The following EXOC2 variants were observed in gnomAD, a reference collection of about 807,000 sequenced individuals.
EXOC2 encodes SEC5-like 1.
A neutral mutation model predicts 131.8 loss-of-function variants in EXOC2; 70 were observed. That is an observed-to-expected ratio of 0.53 (90% CI 0.44 to 0.65). EXOC2 has a LOEUF of 0.65. EXOC2 is among the 30% of genes least tolerant of loss of function. The pLI is 0.00. For synonymous variants in EXOC2, 411 were observed against 398.4 expected, an observed-to-expected ratio of 1.03 and a Z score of -0.38; for missense variants, 923 against 1,108.6, an observed-to-expected ratio of 0.83 and a Z score of 2.38.
intron 22 of EXOC2, among the ~76,000 whole-genome samples, chr6:543,345 A>G (rs932337099): frequency 6.6e-6 from 1 of 152,266 alleles, no homozygotes; most frequent in Non-Finnish European, 1.5e-5. Flanking sequence ...CTTATGCTAA[A>G]TGAAATAAAC....
At chr6:641,516 G>T (rs1304936881) in intron 1 of EXOC2, among the ~76,000 whole-genome samples, 1 of 152,154 alleles carries the variant, frequency 6.6e-6, no homozygotes, top group Non-Finnish European at 1.5e-5. Flanking sequence ...GAGAGGCGGG[G>T]CTGCAGATTA....
At chr6:651,680 T>TA (rs1296106457) in intron 1 of EXOC2, among the ~76,000 whole-genome samples, 8 of 146,726 alleles carry the variant, frequency 5.5e-5, no homozygotes, top group African/African-American at 9.9e-5. Context: ...AATAAATAAA[T>TA]AATAAAAAAA....
At chr6:659,870 G>A (rs1763333814) in intron 1 of EXOC2, among the ~76,000 whole-genome samples, 1 of 152,120 alleles carries the variant, frequency 6.6e-6, no homozygotes, top group South Asian at 2.1e-4. Flanking sequence ...GCCAGAACTT[G>A]GGAGAGGACG....
At chr6:633,713 C>T (rs892398421) in intron 2 of EXOC2, among the ~76,000 whole-genome samples, 1 of 152,182 alleles carries the variant, frequency 6.6e-6, no homozygotes, top group Non-Finnish European at 1.5e-5. Flanking sequence ...ATCGGTGTGT[C>T]AGCTGCTGGC....
rs560200148 is a variant in EXOC2, at chr6:618,096, T to C, written c.537-261A>G. ...GGTAATTCCAAATACATTAGACCCC[T>C]AAGAAGTAAATGTGTAGATGTTTTT... On this transcript the variant is annotated intron_variant, in intron 5 of 27. Coordinates refer to ENST00000230449, the MANE Select transcript of EXOC2 (RefSeq NM_018303.6). Among the ~76,000 whole-genome samples, 39 of 152,242 alleles carry C rather than the reference T, an allele frequency of 2.6e-4. 1 individual carries two copies. In the South Asian group the frequency reaches 8.1e-3, roughly 32 times the overall value.
intron 6 of EXOC2, among the ~76,000 whole-genome samples, chr6:611,517 GC>G (rs1561923350): frequency 6.6e-6 from 1 of 152,260 alleles, no homozygotes; most frequent in Middle Eastern, 3.4e-3. Context: ...GGTGACCCTG[GC>G]CCCCCGGCTC....
chr6:534,657 G>T (rs1766330150), intron 22 of EXOC2, among the ~76,000 whole-genome samples: 2 of 152,228 alleles, frequency 1.3e-5, no homozygotes, highest in Non-Finnish European at 2.9e-5. Context: ...GTCCGAGAAA[G>T]ATATTTTTGG....
rs184671499 is a variant in EXOC2 at position 543,797 on chromosome 6, C to T, written c.2238+5378G>A. On this transcript the variant is annotated intron_variant, in intron 22 of 27. Coordinates refer to ENST00000230449, the MANE Select transcript of EXOC2 (RefSeq NM_018303.6). The stretch of plus-strand genomic sequence containing the variant: ...AGTCAGGGAACACATAAAAGAGAAG[C>T]TGTTTTGAAGGAGGAAGATGACTGG... Among the ~76,000 whole-genome samples the T allele has an allele frequency of 4.4e-3, 667 of 152,242 alleles. 1 individual carries two copies. Among genetic ancestry groups the T allele is most frequent in the Non-Finnish European group, 7.2e-3 (488 of 68,014 alleles).
intron 11 of EXOC2, among the ~76,000 whole-genome samples, chr6:580,862 T>C (rs1238594288): frequency 1.3e-5 from 2 of 152,196 alleles, no homozygotes; most frequent in East Asian, 1.9e-4. Context: ...TTCCGATCAC[T>C]GTTCGTACAG....
intron 13 of EXOC2, among the ~76,000 whole-genome samples, chr6:569,107 G>T (rs1758132108): frequency 1.3e-5 from 2 of 151,984 alleles, no homozygotes; most frequent in African/African-American, 4.8e-5. Flanking sequence ...AATATGTAAG[G>T]CATTTTAATT....
intron 20 of EXOC2, 33 bp from the exon 21 acceptor site, chr6:553,953 A>C (rs754490731): frequency 6.4e-7 from 1 of 1,554,552 alleles, no homozygotes; most frequent in Non-Finnish European, 8.9e-7. Flanking sequence ...ACAGTTACAA[A>C]TAAAGCACTC....
intron 4 of EXOC2, among the ~76,000 whole-genome samples, chr6:622,172 T>C (rs1761325207): frequency 6.6e-6 from 1 of 152,248 alleles, no homozygotes; most frequent in South Asian, 2.1e-4. Context: ...ACCATGTTTC[T>C]GTCGACCTTC....
intron 1 of EXOC2, among the ~76,000 whole-genome samples, chr6:690,822 C>T (rs1211702239): frequency 1.3e-5 from 2 of 152,246 alleles, no homozygotes; most frequent in South Asian, 2.1e-4. Context: ...GAAGTCCACA[C>T]TATCACCATG....
intron 11 of EXOC2, among the ~76,000 whole-genome samples, chr6:579,536 G>C (rs937215286): frequency 6.6e-6 from 1 of 152,180 alleles, no homozygotes; most frequent in African/African-American, 2.4e-5. Context: ...GTGTCCAGAA[G>C]GTAGCGCTTC....
intron 13 of EXOC2, among the ~76,000 whole-genome samples, chr6:566,973 C>T (rs1003334705): frequency 6.6e-6 from 1 of 152,216 alleles, no homozygotes; most frequent in African/African-American, 2.4e-5. Flanking sequence ...TCCTCTCCCT[C>T]ACCTGAACAC....
At chr6:631,405 GCA>G (rs1561948008) in intron 3 of EXOC2, among the ~76,000 whole-genome samples, 11 of 152,116 alleles carry the variant, frequency 7.2e-5, no homozygotes, top group Non-Finnish European at 1.5e-4. Flanking sequence ...GGGCATGGTG[GCA>G]CGCACCTGTA....
In EXOC2 at chr6:576,776, A is replaced by G. The variant is rs774736102; in HGVS notation, c.1299T>C (p.Phe433=). The part of the protein sequence containing the change: ...QTASLKRGSS[F]QSGRDDTWRY... ...ACTTACTGTCGTCTCGACCAGACTG[A>G]AAGCTGCTGCCCCTCTTCAGGGACG... Residue 433 remains phenylalanine, a synonymous_variant, in exon 12 of 28, where the codon TTT becomes TTC. Coordinates refer to ENST00000230449, the MANE Select transcript of EXOC2 (RefSeq NM_018303.6). 6.2e-7 allele frequency: 1 copy of G among 1,614,102 alleles called. No homozygotes were observed. The highest frequency in any genetic ancestry group is 2.2e-5 in the East Asian group (1 of 44,876).
At chr6:563,311 C>G (rs2127583604) in intron 16 of EXOC2, among the ~76,000 whole-genome samples, 1 of 152,310 alleles carries the variant, frequency 6.6e-6, no homozygotes, top group East Asian at 1.9e-4. Flanking sequence ...GGCCTTGGGG[C>G]AGGCTCAGGT....
At chr6:654,563 G>A (rs1471106050) in intron 1 of EXOC2, among the ~76,000 whole-genome samples, 2 of 151,958 alleles carry the variant, frequency 1.3e-5, no homozygotes, top group African/African-American at 2.4e-5. Flanking sequence ...ACTATGGAAG[G>A]CTAAGGCGGG....
Sources: allele counts gnomAD v4.1 joint callset (sites outside exome capture counted in the v4.1 genomes callset), GRCh38; gene constraint gnomAD v4.1.1; transcripts MANE v1.5; gene names NCBI Gene and HGNC (gene_info 2026-07-23, HGNC 2026-07-21).